Variants in CALN1 observed in about 807,000 individuals in gnomAD.
CALN1 encodes calneuron 1, also known as calcium-binding protein 8.
Under a neutral mutation model 30.6 loss-of-function variants are expected in CALN1, and 17 were observed. The ratio of observed to expected loss-of-function variants is 0.56; its 90% confidence interval spans 0.38 to 0.83. The LOEUF (loss-of-function observed/expected upper bound fraction) is 0.83, where lower values mean the gene tolerates loss of function less well. CALN1 is among the 40% of genes least tolerant of loss of function. The pLI is 0.00. For synonymous variants in CALN1, 156 were observed against 131.4 expected, an observed-to-expected ratio of 1.19 and a Z score of -1.28; for missense variants, 291 against 354.9, an observed-to-expected ratio of 0.82 and a Z score of 1.45.
intron 2 of CALN1, among the ~76,000 whole-genome samples, chr7:72,367,684 A>T (rs923392898): frequency 1.3e-5 from 2 of 152,054 alleles, no homozygotes; most frequent in Non-Finnish European, 2.9e-5. Context: ...TAAAAATAAA[A>T]ATTAGCCAGG....
intron 4 of CALN1, among the ~76,000 whole-genome samples, chr7:72,064,633 CAT>C (rs1028346853): frequency 6.6e-6 from 1 of 152,190 alleles, no homozygotes; most frequent in Non-Finnish European, 1.5e-5. Context: ...TAAATCCTGA[CAT>C]AGAATCTTCT....
chr7:72,234,554 C>T lies in CALN1; in HGVS notation c.244+44132G>A, dbSNP rs547726885. On this transcript the variant is annotated intron_variant, in intron 3 of 6. Transcript: ENST00000395275. Reference sequence around the variant, plus strand: ...CTCTGCCTCCCAGGTTCAAGTGATTCTTCTGCCTCAGCCTCCCAAGTAGCT... The same window carrying T: ...CTCTGCCTCCCAGGTTCAAGTGATTTTTCTGCCTCAGCCTCCCAAGTAGCT... 2.0e-5 allele frequency among the ~76,000 whole-genome samples: 3 copies of T among 152,272 alleles called. No homozygotes were observed. The South Asian group carries it at 6.2e-4, about 32-fold the overall frequency.
intron 5 of CALN1, among the ~76,000 whole-genome samples, chr7:71,956,754 T>C (rs1396000990): frequency 6.6e-6 from 1 of 152,196 alleles, no homozygotes; most frequent in East Asian, 1.9e-4. Flanking sequence ...TGGAGTGCAG[T>C]GGCACAATCT....
At chr7:71,885,992 C>G (rs1336069063) in intron 5 of CALN1, among the ~76,000 whole-genome samples, 1 of 152,232 alleles carries the variant, frequency 6.6e-6, no homozygotes, top group African/African-American at 2.4e-5. Context: ...TCCTTCCCAA[C>G]AAACATATCC....
intron 5 of CALN1, among the ~76,000 whole-genome samples, chr7:71,828,718 A>ATGTGTGTGTGTGTGTG (rs146892125): frequency 2.4e-4 from 35 of 144,344 alleles, no homozygotes; most frequent in African/African-American, 8.2e-4. Context: ...ATATATGTAT[A>ATGTGTGTGTGTGTGTG]TGTGTGTGTG....
intron 2 of CALN1, among the ~76,000 whole-genome samples, chr7:72,309,507 G>A (rs376442237): frequency 6.6e-6 from 1 of 152,116 alleles, no homozygotes; most frequent in Non-Finnish European, 1.5e-5. Context: ...AAGAATAGGG[G>A]AGGGGGGCTC....
chr7:72,131,203 G>T (rs1176182393), intron 3 of CALN1, among the ~76,000 whole-genome samples: 1 of 152,288 alleles, frequency 6.6e-6, no homozygotes. Flanking sequence ...CATAACTGAA[G>T]AAATCTGAAG....
chr7:72,340,534 C>G (rs1482865760), intron 2 of CALN1, among the ~76,000 whole-genome samples: 1 of 152,206 alleles, frequency 6.6e-6, no homozygotes, highest in African/African-American at 2.4e-5. Context: ...CCTGATTCCT[C>G]TTGGTTGGTG....
chr7:72,236,599 T>G (rs1463456109), intron 3 of CALN1, among the ~76,000 whole-genome samples: 1 of 152,210 alleles, frequency 6.6e-6, no homozygotes, highest in East Asian at 1.9e-4. Context: ...TTTTTTCCTC[T>G]TGCATCGTGG....
At chr7:72,238,507 A>G (rs765733115) in intron 3 of CALN1, among the ~76,000 whole-genome samples, 1 of 152,072 alleles carries the variant, frequency 6.6e-6, no homozygotes, top group Non-Finnish European at 1.5e-5. Context: ...TGAGTGTCTG[A>G]TATGGTTTGA....
chr7:72,344,735 TAAATGGAATATAA>T (rs1019794182), intron 2 of CALN1, among the ~76,000 whole-genome samples: 1 of 147,404 alleles, frequency 6.8e-6, no homozygotes, highest in African/African-American at 2.5e-5. Context: ...TGGCTTTTTA[TAAATGGAATATAA>T]ATGGCTTTTT....
At chr7:72,318,955 C>T (rs756324909) in intron 2 of CALN1, among the ~76,000 whole-genome samples, 1 of 151,638 alleles carries the variant, frequency 6.6e-6, no homozygotes, top group Non-Finnish European at 1.5e-5. Flanking sequence ...TGAGCACAAC[C>T]TCTATGGAAA....
Position 72,298,837 on chromosome 7 carries a change from T to C in CALN1, c.120-20027A>G, listed in dbSNP as rs571171066. On this transcript the variant is annotated intron_variant, in intron 2 of 6. Coordinates refer to ENST00000395275, the MANE Select transcript of CALN1 (RefSeq NM_031468.4). ...AAAAAAAGAGGGGAGGGGTGCGGAG[T>C]TTCCCTGCACAAACTCTGCTTTTGC... is the stretch of plus-strand genomic sequence containing the variant. Among the ~76,000 whole-genome samples, 345 of 149,928 alleles carry C rather than the reference T, an allele frequency of 2.3e-3. 5 individuals are homozygous for C. Among genetic ancestry groups the C allele is most frequent in the Non-Finnish European group, 1.5e-3 (103 of 67,622 alleles).
intron 2 of CALN1, among the ~76,000 whole-genome samples, chr7:72,316,570 G>A (rs528165632): frequency 3.3e-5 from 5 of 152,026 alleles, no homozygotes; most frequent in African/African-American, 7.2e-5. Flanking sequence ...GTGGGATTAC[G>A]AGTGAATTTA....
chr7:72,154,398 C>T (rs113043702), intron 3 of CALN1, among the ~76,000 whole-genome samples: 3 of 152,182 alleles, frequency 2.0e-5, no homozygotes, highest in African/African-American at 4.8e-5. Context: ...GAAAGACTGG[C>T]CAAAGATGCT....
rs370065389 is a variant in CALN1 at position 72,068,013 on chromosome 7, A to G, written c.388+38138T>C. ...TACAAGTCTGGCTTGGCTACCAGAT[A>G]ATGAGGTAAACTAAACTAATTCAGC... is the stretch of plus-strand genomic sequence containing the variant. On this transcript the variant is annotated intron_variant, in intron 4 of 6. Coordinates refer to ENST00000395275, the MANE Select transcript of CALN1 (RefSeq NM_031468.4). Among the ~76,000 whole-genome samples the G allele has an allele frequency of 5.9e-5, 9 of 152,218 alleles. No individual in the cohort carries two copies. In the East Asian group the frequency reaches 1.2e-3, roughly 19 times the overall value.
In CALN1 at chr7:72,046,709, T is replaced by TAAAA. The variant is rs59664699; in HGVS notation, c.389-22944_389-22941dup. The stretch of plus-strand genomic sequence containing the variant: ...TGGGCAACAGAGCGAGACTCCCTCT[T>TAAAA]AAAAAAAAAAAAAAAAAAAAAAAAA... On this transcript the variant is annotated intron_variant, in intron 4 of 6. Coordinates refer to ENST00000395275, the MANE Select transcript of CALN1 (RefSeq NM_031468.4). Among the ~76,000 whole-genome samples, 160 of 51,860 alleles carry TAAAA rather than the reference T, an allele frequency of 3.1e-3. 2 individuals carry two copies. The highest frequency in any genetic ancestry group is 4.9e-3 in the Non-Finnish European group (135 of 27,662). 34.0% of individuals were successfully genotyped at this position (51,860 alleles called of 152,430 possible). A position where few individuals can be genotyped will look rare whatever the true frequency, so the allele number is the denominator to read the frequency against.
intron 5 of CALN1, among the ~76,000 whole-genome samples, chr7:71,812,424 C>T (rs994393577): frequency 2.6e-5 from 4 of 152,140 alleles, no homozygotes; most frequent in African/African-American, 9.7e-5. Context: ...CCCTGTAATA[C>T]GATAGCAAAA....
chr7:72,402,257 CAG>C (rs1478665082), intron 2 of CALN1, among the ~76,000 whole-genome samples: 7 of 152,328 alleles, frequency 4.6e-5, no homozygotes, highest in Admixed American at 6.5e-5. Context: ...AGATTCTGAA[CAG>C]AGTCTTGTAG....
Sources: gnomAD v4.1 joint callset for allele counts (sites outside exome capture counted in the v4.1 genomes callset) on GRCh38, gnomAD v4.1.1 for gene constraint, MANE v1.5 for transcripts, NCBI Gene and HGNC (gene_info 2026-07-23, HGNC 2026-07-21) for gene names.